The following ASIP variants were observed in gnomAD, a reference collection of about 807,000 sequenced individuals.
ASIP encodes the protein agouti-signaling protein.
Under a neutral mutation model 10.3 loss-of-function variants are expected in ASIP, and 11 were observed. That is an observed-to-expected ratio of 1.07 (90% CI 0.68 to 1.78). ASIP has a LOEUF of 1.78. ASIP is among the 40% of genes most tolerant of loss of function. The pLI, the probability that ASIP is intolerant of heterozygous loss-of-function variation, is 0.00. For synonymous variants in ASIP, 70 were observed against 70.8 expected (o/e 0.99, Z 0.06); for missense variants, 180 against 169.2 (o/e 1.06, Z -0.35).
chr20:34,249,218 A>G (rs1345516439), intron 1 of ASIP, among the ~76,000 whole-genome samples: 1 of 152,180 alleles, frequency 6.6e-6, no homozygotes, highest in East Asian at 1.9e-4. Context: ...CAGAAGTCAC[A>G]CAGGGAGCTA....
intron 1 of ASIP, among the ~76,000 whole-genome samples, chr20:34,253,348 C>T (rs1489380799): frequency 2.6e-5 from 4 of 151,760 alleles, no homozygotes; most frequent in Non-Finnish European, 4.4e-5. Flanking sequence ...CCTCATGATC[C>T]GCCTGCCTCA....
At chr20:34,210,326 A>T (rs1412226189) in intron 1 of ASIP, among the ~76,000 whole-genome samples, 1 of 152,032 alleles carries the variant, frequency 6.6e-6, no homozygotes, top group Non-Finnish European at 1.5e-5. Flanking sequence ...GGGCCCTGTG[A>T]CTCCTGGAGT....
At chr20:34,189,274 C>T in the ASIP span, among the ~76,000 whole-genome samples, 3 of 151,774 alleles carry the variant, frequency 2.0e-5, no homozygotes, top group South Asian at 6.3e-4. Flanking sequence ...TGGAGTTTTG[C>T]TCTTGTTGCC....
chr20:34,246,173 T>G (rs2035371213), intron 1 of ASIP: 14 of 1,110,870 alleles, frequency 1.3e-5, no homozygotes, highest in Admixed American at 2.2e-5. Context: ...ATGTTTCTTC[T>G]TTGCTCTAGG....
At chr20:34,201,052 C>CTTTTTT (rs1261360496) in intron 1 of ASIP, among the ~76,000 whole-genome samples, 1 of 97,388 alleles carries the variant, frequency 1.0e-5, no homozygotes, top group Admixed American at 1.1e-4. Flanking sequence ...TTCTTTCTTT[C>CTTTTTT]TTTCTTTCTT....
intron 1 of ASIP, among the ~76,000 whole-genome samples, chr20:34,257,070 C>CTTTTTTTTTT (rs56227909): frequency 8.6e-5 from 12 of 139,414 alleles, no homozygotes; most frequent in African/African-American, 7.9e-5. Context: ...CTTTCTTTCT[C>CTTTTTTTTTT]TTTTTTTTTT....
At chr20:34,218,463 G>A (rs111702882) in intron 1 of ASIP, among the ~76,000 whole-genome samples, 3 of 152,176 alleles carry the variant, frequency 2.0e-5, no homozygotes, top group South Asian at 4.1e-4. Context: ...CTGAGGCAAA[G>A]TGGCATCACC....
chr20:34,266,936 A>T (rs376774143), intron 3 of ASIP, among the ~76,000 whole-genome samples: 49 of 152,240 alleles, frequency 3.2e-4, no homozygotes, highest in African/African-American at 1.2e-3. Context: ...GCCTCAGTTT[A>T]TCATATCAAC....
intron 1 of ASIP, among the ~76,000 whole-genome samples, chr20:34,198,257 T>C (rs1185358938): frequency 6.6e-6 from 1 of 151,942 alleles, no homozygotes; most frequent in Non-Finnish European, 1.5e-5. Context: ...ACCCAGCTAA[T>C]TTTTGTATTT....
At chr20:34,266,765 T>C (rs976090049) in intron 3 of ASIP, among the ~76,000 whole-genome samples, 7 of 152,202 alleles carry the variant, frequency 4.6e-5, no homozygotes, top group African/African-American at 1.2e-4. Flanking sequence ...CCTTTCAAGT[T>C]GAAAAAGATT....
At chr20:34,245,347 AAAAG>A (rs2035354892) in intron 1 of ASIP, among the ~76,000 whole-genome samples, 1 of 151,294 alleles carries the variant, frequency 6.6e-6, no homozygotes, top group Admixed American at 6.6e-5. Flanking sequence ...AAAAAAAAAA[AAAAG>A]AGAGAGAGAC....
chr20:34,250,249 CCAGGG>C (rs1313290147), intron 1 of ASIP: 1 of 152,276 alleles, frequency 6.6e-6, no homozygotes, highest in Non-Finnish European at 1.5e-5. Context: ...CTAGCAAAGC[CCAGGG>C]CAGGCTGTCA....
At chr20:34,241,339 T>G, upstream of ASIP, 447 of 539,164 alleles carry the variant, frequency 8.3e-4, no homozygotes, top group Middle Eastern at 1.9e-3. Context: ...TTCCTGCCTG[T>G]GAGATGTGGT....
chr20:34,222,939 G>A (rs964794177), intron 1 of ASIP, among the ~76,000 whole-genome samples: 45 of 152,146 alleles, frequency 3.0e-4, no homozygotes, highest in Non-Finnish European at 5.4e-4. Context: ...GCTCAATGGT[G>A]CCCAGGCTGG....
At chr20:34,220,301 A>G (rs551042912) in intron 1 of ASIP, among the ~76,000 whole-genome samples, 1 of 152,184 alleles carries the variant, frequency 6.6e-6, no homozygotes, top group East Asian at 1.9e-4. Flanking sequence ...GATTAAGTTA[A>G]AAGTAAGCAC....
At chr20:34,221,327 G>A (rs1433528857) in intron 1 of ASIP, among the ~76,000 whole-genome samples, 16 of 152,020 alleles carry the variant, frequency 1.1e-4, no homozygotes, top group Admixed American at 5.2e-4. Flanking sequence ...AAGGTGAGCC[G>A]AGATCGCGCC....
chr20:34,245,592 T>C (rs2122616774), intron 1 of ASIP, among the ~76,000 whole-genome samples: 1 of 151,738 alleles, frequency 6.6e-6, no homozygotes, highest in East Asian at 2.0e-4. Context: ...GGTTTCACCA[T>C]ATTGGCCAGG....
At chr20:34,236,256 A>G (rs907941715) in intron 1 of ASIP, among the ~76,000 whole-genome samples, 1 of 152,206 alleles carries the variant, frequency 6.6e-6, no homozygotes, top group Non-Finnish European at 1.5e-5. Flanking sequence ...AATCATGGCC[A>G]TGGCTGGGCG....
At chr20:34,257,148 A>C (rs959325714) in intron 1 of ASIP, among the ~76,000 whole-genome samples, 1 of 147,614 alleles carries the variant, frequency 6.8e-6, no homozygotes, top group African/African-American at 2.5e-5. Flanking sequence ...AAGTGGTACG[A>C]TCTCAGCTCA....
Sources: gnomAD v4.1 joint callset for allele counts (sites outside exome capture counted in the v4.1 genomes callset) on GRCh38, gnomAD v4.1.1 for gene constraint, MANE v1.5 for transcripts, NCBI Gene and HGNC (gene_info 2026-07-23, HGNC 2026-07-21) for gene names.